Variants in ATRNL1 observed in about 807,000 individuals in gnomAD.
The protein encoded by ATRNL1 is attractin-like protein 1.
ATRNL1 carries 95 observed loss-of-function variants against 182.7 expected under a neutral mutation model. That is an observed-to-expected ratio of 0.52 (90% CI 0.44 to 0.62). The LOEUF (loss-of-function observed/expected upper bound fraction) is 0.62, where lower values mean the gene tolerates loss of function less well. Among genes scored for constraint, ATRNL1 ranks in the 20% least tolerant of loss-of-function variants. The pLI is 0.00. For missense variants in ATRNL1, 1,471 were observed against 1,679.5 expected (o/e 0.88, Z 2.17); for synonymous variants, 576 against 568.3 (o/e 1.01, Z -0.19).
intron 8 of ATRNL1, among the ~76,000 whole-genome samples, chr10:115,207,227 T>G (rs1390611167): frequency 6.6e-6 from 1 of 152,184 alleles, no homozygotes; most frequent in African/African-American, 2.4e-5. Context: ...CTGGGTCAAA[T>G]GGTATTTCTA....
At chr10:115,191,572 C>T (rs1486046402) in intron 8 of ATRNL1, among the ~76,000 whole-genome samples, 3 of 152,068 alleles carry the variant, frequency 2.0e-5, no homozygotes, top group South Asian at 2.1e-4. Flanking sequence ...CCACAATCCC[C>T]ACGTATCAAG....
chr10:115,101,275 A>G (rs1554864522), intron 1 of ATRNL1, among the ~76,000 whole-genome samples: 1 of 152,028 alleles, frequency 6.6e-6, no homozygotes, highest in African/African-American at 2.4e-5. Flanking sequence ...AGAGTGGTCA[A>G]TCTTACTTAA....
intron 26 of ATRNL1, among the ~76,000 whole-genome samples, chr10:115,560,383 A>G (rs1325046379): frequency 5.3e-5 from 8 of 152,202 alleles, no homozygotes; most frequent in Non-Finnish European, 1.2e-4. Flanking sequence ...CCCATGATTC[A>G]GTTACCTTCC....
At chr10:115,122,406 T>A (rs1844779714) in intron 3 of ATRNL1, among the ~76,000 whole-genome samples, 1 of 151,832 alleles carries the variant, frequency 6.6e-6, no homozygotes, top group East Asian at 1.9e-4. Flanking sequence ...ATAAAAAGTT[T>A]CGTGAATAGG....
chr10:115,728,840 C>CA (rs1269953051), intron 27 of ATRNL1, among the ~76,000 whole-genome samples: 8 of 151,936 alleles, frequency 5.3e-5, no homozygotes, highest in Non-Finnish European at 1.2e-4. Flanking sequence ...GAAAAAATAA[C>CA]AAAAAAGAAT....
chr10:115,481,791 T>G (rs959653443), intron 24 of ATRNL1, among the ~76,000 whole-genome samples: 6 of 150,892 alleles, frequency 4.0e-5, no homozygotes, highest in Non-Finnish European at 7.4e-5. Context: ...CGCTTCCATT[T>G]TAAACCTAAA....
At position 115,120,098 on chromosome 10, in the gene ATRNL1, T is replaced by G. The variant is rs75657201; in HGVS notation, c.294-87T>G. On this transcript the variant is annotated intron_variant, in intron 1 of 28. Coordinates refer to ENST00000355044, the MANE Select transcript of ATRNL1 (RefSeq NM_207303.4). ...AATTGTTATGTCCCGTTCCTTTGGC[T>G]TAATGACTTTTAAATTTTCTTATCC... 3.1e-3 allele frequency: 2,421 copies of G among 789,930 alleles called. 46 individuals are homozygous for G. In the East Asian group the frequency reaches 0.037, roughly 12 times the overall value. 48.9% of individuals were successfully genotyped at this position (789,930 alleles called of 1,614,324 possible).
At chr10:115,325,872 C>T (rs1197366495) in intron 18 of ATRNL1, among the ~76,000 whole-genome samples, 3 of 149,844 alleles carry the variant, frequency 2.0e-5, no homozygotes, top group Non-Finnish European at 3.0e-5. Flanking sequence ...CTAAATTTAG[C>T]TGTCTTATTC....
At chr10:115,267,075 G>T (rs1250844367) in intron 12 of ATRNL1, 70 bp downstream of exon 12, 5 of 1,077,484 alleles carry the variant, frequency 4.6e-6, no homozygotes, top group South Asian at 1.5e-5. Flanking sequence ...AATATCTTCT[G>T]CTTATAAGAA....
chr10:115,872,675 G>A (rs1360788918), intron 28 of ATRNL1, among the ~76,000 whole-genome samples: 5 of 152,222 alleles, frequency 3.3e-5, no homozygotes, highest in African/African-American at 1.2e-4. Flanking sequence ...TGAAGAAGCA[G>A]TGGACTGTGT....
At chr10:115,682,734 C>G (rs1039799970) in intron 26 of ATRNL1, among the ~76,000 whole-genome samples, 1 of 152,210 alleles carries the variant, frequency 6.6e-6, no homozygotes, top group East Asian at 1.9e-4. Flanking sequence ...CCTTTATGCT[C>G]TTGTGCTCCC....
intron 28 of ATRNL1, among the ~76,000 whole-genome samples, chr10:115,875,543 C>T (rs1192934006): frequency 6.6e-6 from 1 of 152,200 alleles, no homozygotes; most frequent in African/African-American, 2.4e-5. Flanking sequence ...CAAAATAGAA[C>T]ATGAAATGAG....
chr10:115,165,546 T>C lies in ATRNL1; in HGVS notation c.1005-12T>C. On this transcript the variant is annotated splice_polypyrimidine_tract_variant and intron_variant, in intron 6 of 28. Transcript: ENST00000355044. ...CTTAGCTTATGAAGTTATTTTCTTT[T>C]CTTGCTTTTAGTTACAATTTAGAAA... 1 of 1,421,246 alleles carries C rather than the reference T, an allele frequency of 7.0e-7. No individual in the cohort carries two copies. Among genetic ancestry groups the C allele is most frequent in the Non-Finnish European group, 9.4e-7 (1 of 1,060,122 alleles). 88.0% of individuals were successfully genotyped at this position (1,421,246 alleles called of 1,614,324 possible).
At chr10:115,299,758 T>TA (rs1467318530) in intron 15 of ATRNL1, among the ~76,000 whole-genome samples, 1 of 152,108 alleles carries the variant, frequency 6.6e-6, no homozygotes, top group Non-Finnish European at 1.5e-5. Context: ...TATCTCCACT[T>TA]TATAGAAGAG....
chr10:115,509,491 G>A (rs1850278680), intron 24 of ATRNL1, among the ~76,000 whole-genome samples: 1 of 151,934 alleles, frequency 6.6e-6, no homozygotes, highest in South Asian at 2.1e-4. Flanking sequence ...GTGAGTTCTT[G>A]AGAGATCTGG....
intron 15 of ATRNL1, among the ~76,000 whole-genome samples, chr10:115,297,743 C>A (rs1853275286): frequency 1.3e-5 from 2 of 150,904 alleles, no homozygotes; most frequent in Admixed American, 1.3e-4. Flanking sequence ...TTGGCAGATT[C>A]AAATTCCCTG....
chr10:115,483,280 C>T (rs557879142), intron 24 of ATRNL1, among the ~76,000 whole-genome samples: 134 of 151,222 alleles, frequency 8.9e-4, no homozygotes, highest in Middle Eastern at 3.4e-3. Context: ...ACTTGTATTG[C>T]GTAAAGAACT....
At chr10:115,786,948 T>C (rs146218491) in intron 27 of ATRNL1, among the ~76,000 whole-genome samples, 1 of 152,204 alleles carries the variant, frequency 6.6e-6, no homozygotes. Flanking sequence ...AGTAAAACAT[T>C]GTTTTTAAGT....
chr10:115,944,792 G>A lies in ATRNL1; in HGVS notation c.*13G>A, dbSNP rs187336851. ...AACTTGTGTCTGAGAAATGGAAACC[G>A]CTCCTGTATATTCTGTACTGTTTTA... On this transcript the variant is annotated 3_prime_UTR_variant, in exon 29 of 29. Coordinates refer to ENST00000355044, the MANE Select transcript of ATRNL1 (RefSeq NM_207303.4). The A allele has an allele frequency of 3.2e-5, 52 of 1,611,714 alleles. No individual in the cohort carries two copies. The highest frequency in any genetic ancestry group is 2.0e-4 in the East Asian group (9 of 44,822).
Sources: allele counts gnomAD v4.1 joint callset (sites outside exome capture counted in the v4.1 genomes callset), GRCh38; gene constraint gnomAD v4.1.1; transcripts MANE v1.5; gene names NCBI Gene and HGNC (gene_info 2026-07-23, HGNC 2026-07-21).